The following SUGCT variants were observed in gnomAD, a reference collection of about 807,000 sequenced individuals.
SUGCT encodes succinyl-CoA:glutarate-CoA transferase.
A neutral mutation model predicts 55.0 loss-of-function variants in SUGCT; 41 were observed. That is an observed-to-expected ratio of 0.74 (90% confidence interval 0.58 to 0.97). The LOEUF (loss-of-function observed/expected upper bound fraction) is 0.97. SUGCT is among the 50% of genes least tolerant of loss of function. The pLI is 0.00. For missense variants in SUGCT, 568 were observed against 547.8 expected (o/e 1.04, Z -0.37); for synonymous variants, 187 against 200.4 (o/e 0.93, Z 0.56).
intron 9 of SUGCT, among the ~76,000 whole-genome samples, chr7:40,402,511 A>G (rs1175615733): frequency 6.6e-6 from 1 of 152,184 alleles, no homozygotes; most frequent in African/African-American, 2.4e-5. Flanking sequence ...ATTTATTATT[A>G]GAAAAATAAA....
At chr7:40,523,640 T>C (rs1009998642) in intron 12 of SUGCT, among the ~76,000 whole-genome samples, 3 of 152,070 alleles carry the variant, frequency 2.0e-5, no homozygotes, top group Non-Finnish European at 4.4e-5. Flanking sequence ...TAGGGGAGGA[T>C]CTACTTCTTT....
chr7:40,249,336 T>TATAG (rs1287834002), intron 7 of SUGCT, among the ~76,000 whole-genome samples: 8 of 124,830 alleles, frequency 6.4e-5, no homozygotes, highest in Admixed American at 5.9e-4. Context: ...TATATATATA[T>TATAG]ATATATATAT....
At chr7:40,716,085 A>G (rs537402019) in intron 12 of SUGCT, among the ~76,000 whole-genome samples, 7 of 152,324 alleles carry the variant, frequency 4.6e-5, no homozygotes, top group African/African-American at 1.2e-4. Context: ...TTTGGGCATT[A>G]TAAGAGGAAC....
At chr7:40,811,430 G>T (rs188024913) in intron 13 of SUGCT, among the ~76,000 whole-genome samples, 1 of 152,142 alleles carries the variant, frequency 6.6e-6, no homozygotes, top group East Asian at 1.9e-4. Context: ...TTTGTTTAAT[G>T]TATGATTTCT....
intron 12 of SUGCT, among the ~76,000 whole-genome samples, chr7:40,547,609 C>T (rs906116949): frequency 4.6e-5 from 7 of 151,772 alleles, no homozygotes; most frequent in Admixed American, 2.0e-4. Flanking sequence ...ATTTGAATTA[C>T]AAAAAGTAAA....
chr7:40,757,238 G>A (rs1788300496), intron 13 of SUGCT, among the ~76,000 whole-genome samples: 1 of 152,118 alleles, frequency 6.6e-6, no homozygotes, highest in South Asian at 2.1e-4. Flanking sequence ...TGCATCCCCA[G>A]GAATGTCTTT....
At chr7:40,435,950 T>C (rs117074505) in intron 9 of SUGCT, among the ~76,000 whole-genome samples, 3 of 91,878 alleles carry the variant, frequency 3.3e-5, no homozygotes, top group African/African-American at 8.4e-5. Flanking sequence ...CTTTTCTTTT[T>C]TTTTTTTTTT....
chr7:40,446,276 C>A (rs1788830544), intron 9 of SUGCT, among the ~76,000 whole-genome samples: 1 of 152,068 alleles, frequency 6.6e-6, no homozygotes, highest in South Asian at 2.1e-4. Context: ...ATTTGGCAAG[C>A]CTTTCTTCAC....
chr7:40,665,200 A>G (rs1399728069), intron 12 of SUGCT, among the ~76,000 whole-genome samples: 6 of 151,804 alleles, frequency 4.0e-5, no homozygotes, highest in Non-Finnish European at 1.5e-5. Context: ...GCATTTTGGG[A>G]GGCTGAGGCG....
chr7:40,162,333 A>G (rs1784210185), intron 1 of SUGCT, among the ~76,000 whole-genome samples: 1 of 152,210 alleles, frequency 6.6e-6, no homozygotes, highest in South Asian at 2.1e-4. Context: ...ATATGTTAGG[A>G]ATCTGCTTTC....
intron 8 of SUGCT, among the ~76,000 whole-genome samples, chr7:40,288,307 A>G (rs1793489165): frequency 6.6e-6 from 1 of 152,026 alleles, no homozygotes; most frequent in Non-Finnish European, 1.5e-5. Flanking sequence ...AAAAAAGAAA[A>G]CAAAGCCTGG....
At chr7:40,933,238 C>A in the SUGCT span, among the ~76,000 whole-genome samples, 1 of 152,158 alleles carries the variant, frequency 6.6e-6, no homozygotes, top group Admixed American at 6.5e-5. Context: ...AAATTCTTTT[C>A]TTTAAGATAT....
At chr7:40,189,872 C>G (rs898140751) in intron 5 of SUGCT, among the ~76,000 whole-genome samples, 1 of 152,168 alleles carries the variant, frequency 6.6e-6, no homozygotes, top group Non-Finnish European at 1.5e-5. Flanking sequence ...ATTATCTCCT[C>G]TAATCCTCAG....
chr7:40,673,858 A>G (rs956476075), intron 12 of SUGCT, among the ~76,000 whole-genome samples: 3 of 152,194 alleles, frequency 2.0e-5, no homozygotes, highest in African/African-American at 4.8e-5. Flanking sequence ...TTGGAGATCA[A>G]TAATTCTTCC....
chr7:40,204,452 G>A lies in SUGCT; in HGVS notation c.484+9392G>A, dbSNP rs201049538. 3.3e-5 allele frequency among the ~76,000 whole-genome samples: 5 copies of A among 151,966 alleles called. No homozygotes were observed. In the East Asian group the frequency reaches 7.8e-4, roughly 24 times the overall value. On this transcript the variant is annotated intron_variant, in intron 6 of 13. Transcript: ENST00000335693. ...CGAGTAGCTGGGACTACAGGTGCCCGCCACCATGCCCGACTAATTTTTTCT... is the reference window on the plus strand; with the variant it reads ...CGAGTAGCTGGGACTACAGGTGCCCACCACCATGCCCGACTAATTTTTTCT...
At chr7:40,337,670 A>G (rs905461805) in intron 9 of SUGCT, among the ~76,000 whole-genome samples, 3 of 152,174 alleles carry the variant, frequency 2.0e-5, no homozygotes, top group Non-Finnish European at 4.4e-5. Flanking sequence ...TCTCCTGAAT[A>G]CAGCACACTG....
chr7:40,512,653 A>AT (rs765994666), intron 12 of SUGCT, among the ~76,000 whole-genome samples: 33 of 150,880 alleles, frequency 2.2e-4, no homozygotes, highest in African/African-American at 6.1e-4. Context: ...AATGATGGAA[A>AT]TTTTTTTTTT....
rs148926721 is a variant in SUGCT, at chr7:40,671,330, C to T, written c.1090-78104C>T. On this transcript the variant is annotated intron_variant, in intron 12 of 13. Transcript: ENST00000335693. The stretch of plus-strand genomic sequence containing the variant: ...TATAAGACTCTCGGAAAAGTATAAA[C>T]AAAGGAAAACTTTGTCAACTTGAAA... Among the ~76,000 whole-genome samples the T allele has an allele frequency of 2.3e-3, 349 of 152,084 alleles. 1 individual carries two copies. Among genetic ancestry groups the T allele is most frequent in the African/African-American group, 7.7e-3 (321 of 41,498 alleles).
At chr7:40,335,437 G>A (rs963195430) in intron 9 of SUGCT, among the ~76,000 whole-genome samples, 15 of 151,818 alleles carry the variant, frequency 9.9e-5, no homozygotes, top group African/African-American at 3.6e-4. Context: ...GCAGTGGTTT[G>A]TAGTTCTCCT....
Sources: allele counts gnomAD v4.1 joint callset (sites outside exome capture counted in the v4.1 genomes callset), GRCh38; gene constraint gnomAD v4.1.1; transcripts MANE v1.5; gene names NCBI Gene and HGNC (gene_info 2026-07-23, HGNC 2026-07-21).